RGS10: variants seen among roughly 807,000 people sequenced by gnomAD.
The protein encoded by RGS10 is regulator of G protein signaling 10.
RGS10 carries 11 observed loss-of-function variants against 23.5 expected under a neutral mutation model. The ratio of observed to expected loss-of-function variants is 0.47; its 90% CI spans 0.29 to 0.77. RGS10 has a LOEUF of 0.77. Ranked by LOEUF, RGS10 falls within the 30% of genes least tolerant of loss-of-function variation. RGS10 has a pLI of 0.08. For synonymous variants in RGS10, 77 were observed against 83.2 expected, an observed-to-expected ratio of 0.92 and a Z score of 0.41; for missense variants, 180 against 226.3, an observed-to-expected ratio of 0.80 and a Z score of 1.31.
At chr10:119,518,505 A>T (rs576822802) in intron 3 of RGS10, among the ~76,000 whole-genome samples, 1 of 152,326 alleles carries the variant, frequency 6.6e-6, no homozygotes, top group Admixed American at 6.5e-5. Flanking sequence ...GATCAGGAGA[A>T]GCAAATTCAC....
At chr10:119,536,382 A>T (rs1294760549) in intron 1 of RGS10, 1 of 1,311,408 alleles carries the variant, frequency 7.6e-7, no homozygotes, top group Non-Finnish European at 1.1e-6. Context: ...CTCACAGCAC[A>T]CTCTTCCCAG....
At chr10:119,504,040 C>A (rs1305213769) in intron 4 of RGS10, among the ~76,000 whole-genome samples, 1 of 152,228 alleles carries the variant, frequency 6.6e-6, no homozygotes. Context: ...AACCATGAGG[C>A]CATCTGCCAC....
rs117852729 is a variant in RGS10, at chr10:119,518,311, G to C, written c.256-2659C>G. Among the ~76,000 whole-genome samples, 32 of 152,280 alleles carry C rather than the reference G, an allele frequency of 2.1e-4. 1 individual carries two copies. In the East Asian group the frequency reaches 6.2e-3, roughly 29 times the overall value. On this transcript the variant is annotated intron_variant, in intron 3 of 4. Coordinates refer to ENST00000369103, the MANE Select transcript of RGS10 (RefSeq NM_001005339.2). Reference sequence around the variant, plus strand: ...CCAGCATCTGAGGCTGTCCTGGCAGGTGCTGGAGAGGGCCCCACCTTGGCC... The same window carrying C: ...CCAGCATCTGAGGCTGTCCTGGCAGCTGCTGGAGAGGGCCCCACCTTGGCC...
At chr10:119,503,165 C>T (rs918566560) in intron 4 of RGS10, among the ~76,000 whole-genome samples, 11 of 151,986 alleles carry the variant, frequency 7.2e-5, no homozygotes, top group African/African-American at 2.7e-4. Flanking sequence ...ATAGCAAAAT[C>T]CTGTCTCTAC....
chr10:119,514,726 T>G (rs2991786), intron 4 of RGS10, among the ~76,000 whole-genome samples: 2,442 of 151,622 alleles, frequency 0.016, 71 homozygotes, highest in African/African-American at 0.056. Flanking sequence ...TTGTCATTAC[T>G]GAGAATACCT....
At chr10:119,525,160 A>G (rs1025175589) in intron 3 of RGS10, among the ~76,000 whole-genome samples, 4 of 152,198 alleles carry the variant, frequency 2.6e-5, no homozygotes, top group African/African-American at 9.7e-5. Context: ...AGGCGGTACT[A>G]GGTGGAATAT....
At chr10:119,505,259 G>A (rs1247129802) in intron 4 of RGS10, among the ~76,000 whole-genome samples, 1 of 151,084 alleles carries the variant, frequency 6.6e-6, no homozygotes, top group African/African-American at 2.4e-5. Flanking sequence ...GCCACCATCC[G>A]TCCAACAAAC....
chr10:119,508,028 G>A (rs554143051), intron 4 of RGS10, among the ~76,000 whole-genome samples: 45 of 151,840 alleles, frequency 3.0e-4, no homozygotes, highest in Non-Finnish European at 5.1e-4. Flanking sequence ...ACAGAGTTTC[G>A]CTCTTGTCAC....
intron 1 of RGS10, among the ~76,000 whole-genome samples, chr10:119,540,764 C>A (rs982724747): frequency 6.6e-6 from 1 of 152,156 alleles, no homozygotes; most frequent in African/African-American, 2.4e-5. Flanking sequence ...ATAAGTAACG[C>A]GTACAGGGCT....
intron 1 of RGS10, among the ~76,000 whole-genome samples, chr10:119,536,982 G>C (rs181506124): frequency 6.6e-6 from 1 of 152,318 alleles, no homozygotes; most frequent in Non-Finnish European, 1.5e-5. Context: ...CTCAGGGTCA[G>C]CATGATGTCT....
intron 4 of RGS10, among the ~76,000 whole-genome samples, chr10:119,511,136 C>T (rs946930379): frequency 1.3e-5 from 2 of 152,014 alleles, no homozygotes; most frequent in African/African-American, 4.8e-5. Context: ...ATTTGTCCAA[C>T]GGCAGCCTTT....
At chr10:119,540,771 G>A (rs957185172) in intron 1 of RGS10, among the ~76,000 whole-genome samples, 1 of 152,060 alleles carries the variant, frequency 6.6e-6, no homozygotes, top group Non-Finnish European at 1.5e-5. Context: ...ACGCGTACAG[G>A]GCTATTCATA....
chr10:119,519,058 T>C (rs1974211), intron 3 of RGS10, among the ~76,000 whole-genome samples: 30,581 of 152,098 alleles, frequency 0.2, 3,397 homozygotes, highest in Middle Eastern at 0.29. Flanking sequence ...CCTGCCTCCA[T>C]TGTCCCTCCC....
chr10:119,519,865 C>G (rs1250499515), intron 3 of RGS10, among the ~76,000 whole-genome samples: 1 of 152,230 alleles, frequency 6.6e-6, no homozygotes, highest in Admixed American at 6.5e-5. Flanking sequence ...AACTCTAACT[C>G]CATGTCCCCC....
intron 3 of RGS10, chr10:119,516,396 A>C (rs79152764): frequency 6.6e-6 from 1 of 152,274 alleles, no homozygotes; most frequent in African/African-American, 2.4e-5. Flanking sequence ...TTTTCCTGTT[A>C]GCCCCACTTT....
chr10:119,523,543 T>G (rs1482337127), intron 3 of RGS10, among the ~76,000 whole-genome samples: 1 of 152,150 alleles, frequency 6.6e-6, no homozygotes, highest in Admixed American at 6.5e-5. Context: ...CACACACTTG[T>G]AATCCCAGCT....
chr10:119,515,696 C>T, intron 3 of RGS10, 44 bp from the exon 4 acceptor site: 1 of 1,608,934 alleles, frequency 6.2e-7, no homozygotes, highest in Non-Finnish European at 8.5e-7. Flanking sequence ...CACACACAGC[C>T]TTCCCGGCCT....
intron 3 of RGS10, among the ~76,000 whole-genome samples, chr10:119,521,627 AAAGGAAGGAAGG>A (rs3064538): frequency 7.5e-5 from 9 of 119,910 alleles, no homozygotes; most frequent in South Asian, 2.9e-4. Context: ...GGAAGGAAAG[AAAGGAAGGAAGG>A]AAGGAAGGAA....
chr10:119,516,601 A>G (rs1203506558), intron 3 of RGS10: 1 of 152,176 alleles, frequency 6.6e-6, no homozygotes, highest in African/African-American at 2.4e-5. Flanking sequence ...CGAGATACTG[A>G]GCACAGCAGT....
Sources: allele counts gnomAD v4.1 joint callset (sites outside exome capture counted in the v4.1 genomes callset), GRCh38; gene constraint gnomAD v4.1.1; transcripts MANE v1.5; gene names NCBI Gene and HGNC (gene_info 2026-07-23, HGNC 2026-07-21).